Variants in SMC2 observed in about 807,000 individuals in gnomAD.
SMC2 encodes structural maintenance of chromosomes protein 2.
A neutral mutation model predicts 142.6 loss-of-function variants in SMC2; 41 were observed. The ratio of observed to expected loss-of-function variants is 0.29; its 90% CI spans 0.22 to 0.37. The LOEUF is 0.37. Ranked by LOEUF, SMC2 falls within the 10% of genes least tolerant of loss-of-function variation. The pLI is 1.00. For missense variants in SMC2, 1,265 were observed against 1,373.7 expected (o/e 0.92, Z 1.25); for synonymous variants, 463 against 457.5 (o/e 1.01, Z -0.15).
chr9:104,092,046 TA>T (rs923885923), upstream of SMC2: 2 of 152,236 alleles, frequency 1.3e-5, no homozygotes, highest in African/African-American at 2.4e-5. Flanking sequence ...ATCTCCAAAT[TA>T]GGGGGCTTCA....
chr9:104,118,387 ATCC>A lies in SMC2; in HGVS notation c.1996+14_1996+16del. 6.2e-7 allele frequency: 1 copy of A among 1,603,144 alleles called. No individual in the cohort carries two copies. The highest frequency in any genetic ancestry group is 8.5e-7 in the Non-Finnish European group (1 of 1,171,538). ...GACATTGAGTGGAGGTAAGTTTTAT[ATCC>A]TTTTCTCCTCACAATTCTTTGTGGT... On this transcript the variant is annotated intron_variant, in intron 15 of 24. Coordinates refer to ENST00000374793, the MANE Select transcript of SMC2 (RefSeq NM_006444.3).
At chr9:104,097,985 C>T (rs1166434195) in intron 3 of SMC2, among the ~76,000 whole-genome samples, 4 of 152,172 alleles carry the variant, frequency 2.6e-5, no homozygotes, top group South Asian at 4.1e-4. Context: ...CCATGATTAC[C>T]CTTTCTTTTA....
intron 3 of SMC2, among the ~76,000 whole-genome samples, chr9:104,097,041 T>C (rs1451103022): frequency 6.6e-6 from 1 of 151,924 alleles, no homozygotes; most frequent in Non-Finnish European, 1.5e-5. Context: ...TGGATTCATA[T>C]TAGATTTACT....
Position 104,134,446 on chromosome 9 carries a change from C to T in SMC2, c.3140C>T (p.Thr1047Ile). The change falls in exon 23 of 25, where the codon ACT (threonine) becomes ATT (isoleucine). Residue 1047 changes from threonine (T) to isoleucine (I), a missense_variant. Transcript: ENST00000374793. The stretch of plus-strand genomic sequence containing the variant: ...AAGGACTTTGGGTCTATTTTTTCTA[C>T]TCTTTTGCCTGGTGCTAATGCTATG... Reference protein sequence around the residue: ...VNKDFGSIFSTLLPGANAMLA... With the variant: ...VNKDFGSIFSILLPGANAMLA... 1 of 1,601,764 alleles carries T rather than the reference C, an allele frequency of 6.2e-7. No homozygotes were observed.
intron 22 of SMC2, 22 bp from the exon 23 acceptor site, chr9:104,134,393 C>A: frequency 6.4e-7 from 1 of 1,556,044 alleles, no homozygotes; most frequent in Non-Finnish European, 8.7e-7. Flanking sequence ...GATGTTTTAA[C>A]TTTTTTATTT....
chr9:104,132,889 A>G (rs770049009), intron 22 of SMC2, among the ~76,000 whole-genome samples: 1 of 151,852 alleles, frequency 6.6e-6, no homozygotes, highest in Non-Finnish European at 1.5e-5. Context: ...CTTAGTACAA[A>G]TCAGAATCTA....
chr9:104,093,676 T>C (rs1830141420), upstream of SMC2, among the ~76,000 whole-genome samples: 1 of 152,148 alleles, frequency 6.6e-6, no homozygotes, highest in Non-Finnish European at 1.5e-5. Flanking sequence ...ATTTCTCCTC[T>C]GGGCTCGGAA....
intron 9 of SMC2, among the ~76,000 whole-genome samples, chr9:104,105,325 C>G (rs1474510623): frequency 6.6e-6 from 1 of 152,088 alleles, no homozygotes; most frequent in African/African-American, 2.4e-5. Context: ...AGGATCCCAC[C>G]GTCTGCCCGC....
intron 13 of SMC2, among the ~76,000 whole-genome samples, chr9:104,115,156 A>T (rs1482285922): frequency 6.6e-6 from 1 of 151,954 alleles, no homozygotes; most frequent in Non-Finnish European, 1.5e-5. Flanking sequence ...ATTTATTTAC[A>T]TTTCTTCAGT....
intron 12 of SMC2, 31 bp from the exon 13 acceptor site, chr9:104,114,658 TAA>T: frequency 6.3e-7 from 1 of 1,577,422 alleles, no homozygotes; most frequent in African/African-American, 1.4e-5. Context: ...CTTTATTATC[TAA>T]GATTAATTTT....
chr9:104,103,346 CT>C, intron 9 of SMC2, among the ~76,000 whole-genome samples: 1 of 152,160 alleles, frequency 6.6e-6, no homozygotes, highest in South Asian at 2.1e-4. Context: ...ATATAGATAA[CT>C]TTTTGAGAAG....
At position 104,110,678 on chromosome 9, in the gene SMC2, A is replaced by G. The variant is rs574140664; in HGVS notation, c.1021-903A>G. On this transcript the variant is annotated intron_variant, in intron 9 of 24. Coordinates refer to ENST00000374793, the MANE Select transcript of SMC2 (RefSeq NM_006444.3). The stretch of plus-strand genomic sequence containing the variant: ...GTGACTCTTGGCTCCTTAGCCATTT[A>G]CTCACTGTGCTCCTAGTCCGGTTCC... Among the ~76,000 whole-genome samples, 5 of 152,118 alleles carry G rather than the reference A, an allele frequency of 3.3e-5. No individual in the cohort carries two copies. In the South Asian group the frequency reaches 8.3e-4, roughly 25 times the overall value.
upstream of SMC2, among the ~76,000 whole-genome samples, chr9:104,090,305 A>G (rs1829968510): frequency 6.6e-6 from 1 of 152,232 alleles, no homozygotes. Flanking sequence ...CCAAAATTTT[A>G]TACTTGGCTA....
rs563449127 is a variant in SMC2, at chr9:104,121,612, A to G, written c.2132+1450A>G. Among the ~76,000 whole-genome samples the G allele has an allele frequency of 4.6e-5, 7 of 152,316 alleles. No individual in the cohort carries two copies. In the East Asian group the frequency reaches 1.2e-3, roughly 25 times the overall value. ...TTCAGAATTCACAATACTGAATACA[A>G]TTTAAAAAATCTAAATAAATGTTGA... On this transcript the variant is annotated intron_variant, in intron 16 of 24. Transcript: ENST00000374793.
Position 104,139,159 on chromosome 9 carries a change from A to G in SMC2, c.3438A>G (p.Lys1146=), listed in dbSNP as rs1175924667. 1.8e-5 allele frequency: 28 copies of G among 1,569,244 alleles called. No homozygotes were observed. In the East Asian group the frequency reaches 6.3e-4, roughly 35 times the overall value. Residue 1146 remains lysine, a synonymous_variant, in exon 25 of 25, where the codon AAA becomes AAG. Coordinates refer to ENST00000374793, the MANE Select transcript of SMC2 (RefSeq NM_006444.3). ...THSQFIVVSL[K]EGMFNNANVL... ...TTAAGTTCATTGTGGTGTCACTAAAAGAAGGTATGTTCAACAATGCAAACG... is the reference window on the plus strand; with the variant it reads ...TTAAGTTCATTGTGGTGTCACTAAAGGAAGGTATGTTCAACAATGCAAACG...
At chr9:104,099,535 AT>A (rs1281805659) in intron 4 of SMC2, 108 bp from the exon 5 acceptor site, 1 of 694,420 alleles carries the variant, frequency 1.4e-6, no homozygotes, top group Non-Finnish European at 2.5e-6. Context: ...CCCCCCAAAG[AT>A]TGGTATATTG....
rs910287957 is a variant in SMC2 at position 104,141,106 on chromosome 9, T to C, written c.*1791T>C. 2 of 152,184 alleles carry C rather than the reference T, an allele frequency of 1.3e-5. No individual in the cohort carries two copies. Among genetic ancestry groups the C allele is most frequent in the African/African-American group, 2.4e-5 (1 of 41,438 alleles). 9.4% of individuals were successfully genotyped at this position (152,184 alleles called of 1,614,324 possible). A position where few individuals can be genotyped will look rare whatever the true frequency, so the allele number is the denominator to read the frequency against. On this transcript the variant is annotated 3_prime_UTR_variant, in exon 25 of 25. Coordinates refer to ENST00000374793, the MANE Select transcript of SMC2 (RefSeq NM_006444.3). Reference sequence around the variant, plus strand: ...GGATTGGGGACATTTGTTTCACACATCTGCAGTAATATGAGTTAACTAATA... The same window carrying C: ...GGATTGGGGACATTTGTTTCACACACCTGCAGTAATATGAGTTAACTAATA...
At chr9:104,120,373 A>T (rs1393842530) in intron 16 of SMC2, among the ~76,000 whole-genome samples, 1 of 152,204 alleles carries the variant, frequency 6.6e-6, no homozygotes, top group Non-Finnish European at 1.5e-5. Flanking sequence ...AGCAAAATCT[A>T]TTTAAGCAAA....
At chr9:104,100,543 A>ACCAC in intron 7 of SMC2, 110 bp downstream of exon 7, 18 of 702,464 alleles carry the variant, frequency 2.6e-5, no homozygotes, top group Admixed American at 5.7e-5. Context: ...TTTTCCTGCG[A>ACCAC]TGAGATAAGG....
Sources: gnomAD v4.1 joint callset for allele counts (sites outside exome capture counted in the v4.1 genomes callset) on GRCh38, gnomAD v4.1.1 for gene constraint, MANE v1.5 for transcripts, NCBI Gene and HGNC (gene_info 2026-07-23, HGNC 2026-07-21) for gene names.